The following KIR2DL1 variants were observed in gnomAD, a reference collection of about 807,000 sequenced individuals.
KIR2DL1 encodes killer cell immunoglobulin like receptor, two Ig domains and long cytoplasmic tail 1, also known as killer cell immunoglobulin-like receptor 2DL1.
Under a neutral mutation model 33.9 loss-of-function variants are expected in KIR2DL1, and 38 were observed. The ratio of observed to expected loss-of-function variants is 1.12; its 90% CI spans 0.86 to 1.47. The LOEUF (loss-of-function observed/expected upper bound fraction) is 1.47, where lower values mean the gene tolerates loss of function less well. Ranked by LOEUF, KIR2DL1 falls within the 40% of genes most tolerant of loss-of-function variation. The pLI is 0.00. For missense variants in KIR2DL1, 531 were observed against 433.9 expected, an observed-to-expected ratio of 1.22 and a Z score of -1.99; for synonymous variants, 179 against 165.9, an observed-to-expected ratio of 1.08 and a Z score of -0.61.
Position 54,775,921 on chromosome 19 carries a change from T to G in KIR2DL1, c.664+463T>G, listed in dbSNP as rs1334059345. Among the ~76,000 whole-genome samples, 4 of 145,458 alleles carry G rather than the reference T, an allele frequency of 2.7e-5. 1 individual carries two copies. The highest frequency in any genetic ancestry group is 7.0e-5 in the Admixed American group (1 of 14,366). On this transcript the variant is annotated intron_variant, in intron 4 of 7. Coordinates refer to ENST00000336077, the MANE Select transcript of KIR2DL1 (RefSeq NM_014218.3). ...TAACATTTTTTTTTGAGGTGGAGTC[T>G]AGCTCTGTCCCCTATGATGGAGTGC...
chr19:54,775,209 G>T lies in KIR2DL1; in HGVS notation c.415G>T (p.Val139Phe), dbSNP rs1186111664. 4.4e-6 allele frequency: 7 copies of T among 1,599,622 alleles called. No homozygotes were observed. In the East Asian group the frequency reaches 1.1e-4, roughly 25 times the overall value. ...PSLSAQLGPT[V>F]LAGENVTLSC... is the part of the protein sequence containing the mutation. ...TCTCTCAGCCCAGCTGGGCCCCACG[G>T]TTCTGGCAGGAGAGAATGTGACCTT... Residue 139 changes from valine (V) to phenylalanine (F), a missense_variant, in exon 4 of 8, where the codon GTT becomes TTT. Coordinates refer to ENST00000336077, the MANE Select transcript of KIR2DL1 (RefSeq NM_014218.3).
chr19:54,780,772 C>T (rs1192928126), intron 5 of KIR2DL1, among the ~76,000 whole-genome samples: 3 of 133,772 alleles, frequency 2.2e-5, no homozygotes, highest in South Asian at 2.8e-4. Flanking sequence ...GTTTAATCCT[C>T]GCTTAATTAA....
chr19:54,783,469 A>G lies in KIR2DL1; in HGVS notation c.818-17A>G. On this transcript the variant is annotated splice_polypyrimidine_tract_variant and intron_variant, in intron 6 of 7. Coordinates refer to ENST00000336077, the MANE Select transcript of KIR2DL1 (RefSeq NM_014218.3). ...AAGTGCCCTCCGAGCTGTTTTGTTGACTTCCATCTTCTACAGATGCTGCGG... is the reference window on the plus strand; with the variant it reads ...AAGTGCCCTCCGAGCTGTTTTGTTGGCTTCCATCTTCTACAGATGCTGCGG... 7 of 1,612,384 alleles carry G rather than the reference A, an allele frequency of 4.3e-6. No individual in the cohort carries two copies. In the South Asian group the frequency reaches 7.7e-5, roughly 18 times the overall value.
At position 54,773,238 on chromosome 19, in the gene KIR2DL1, T is replaced by G. The variant is rs1299327210; in HGVS notation, c.71-95T>G. On this transcript the variant is annotated intron_variant, in intron 2 of 7. Coordinates refer to ENST00000336077, the MANE Select transcript of KIR2DL1 (RefSeq NM_014218.3). ...AAGACACAGAGAGGAAGGAGAGAGA[T>G]AAGACACCAGGAAGGGGAAGCCTGA... 51 of 1,265,860 alleles carry G rather than the reference T, an allele frequency of 4.0e-5. 1 individual carries two copies. The Middle Eastern group carries it at 1.2e-3, about 29-fold the overall frequency. The allele number at this position is 1,265,860 out of a possible 1,614,324, so 78.4% of individuals were successfully genotyped here.
intron 5 of KIR2DL1, among the ~76,000 whole-genome samples, chr19:54,779,387 A>G (rs2076714627): frequency 6.7e-6 from 1 of 148,186 alleles, no homozygotes; most frequent in Non-Finnish European, 1.5e-5. Flanking sequence ...CCCAGCTTCT[A>G]AAGGCTCCCA....
At position 54,782,995 on chromosome 19, in the gene KIR2DL1, C is replaced by G. The variant is rs1349493631; in HGVS notation, c.789C>G (p.Leu263=). 1 of 1,613,606 alleles carries G rather than the reference C, an allele frequency of 6.2e-7. No individual in the cohort carries two copies. Among genetic ancestry groups the G allele is most frequent in the Non-Finnish European group, 8.5e-7 (1 of 1,179,876 alleles). The change falls in exon 6 of 8, where the codon CTC becomes CTG. Residue 263 remains leucine (L), a synonymous_variant. Coordinates refer to ENST00000336077, the MANE Select transcript of KIR2DL1 (RefSeq NM_014218.3). ...TCCTCTTCATCCTCCTCTTCTTTCT[C>G]CTTCATCGCTGGTGCTCCAACAAAA... ...VIILFILLFF[L]LHRWCSNKKN...
chr19:54,775,478 G>C lies in KIR2DL1; in HGVS notation c.664+20G>C. On this transcript the variant is annotated intron_variant, in intron 4 of 7. Coordinates refer to ENST00000336077, the MANE Select transcript of KIR2DL1 (RefSeq NM_014218.3). ...TCACAGGTGAGGAAAGCCCATGGCT[G>C]TCCCATGTCCTATGATCCTAGAGCC... The C allele has an allele frequency of 6.4e-7, 1 of 1,573,682 alleles. No homozygotes were observed. Among genetic ancestry groups the C allele is most frequent in the Non-Finnish European group, 8.7e-7 (1 of 1,148,296 alleles).
intron 5 of KIR2DL1, among the ~76,000 whole-genome samples, chr19:54,779,327 A>C (rs1319558954): frequency 3.4e-5 from 5 of 149,032 alleles, no homozygotes; most frequent in African/African-American, 4.9e-5. Flanking sequence ...GGTGACAGCA[A>C]GGCTGCCTTC....
intron 4 of KIR2DL1, among the ~76,000 whole-genome samples, chr19:54,777,109 AG>A (rs368758253): frequency 0.064 from 8,148 of 127,294 alleles, 88 homozygotes; most frequent in South Asian, 0.13. Flanking sequence ...TTTTATTTTG[AG>A]ATGGAGTTTT....
intron 5 of KIR2DL1, among the ~76,000 whole-genome samples, chr19:54,780,526 G>A (rs1287086625): frequency 2.1e-5 from 3 of 143,878 alleles, no homozygotes; most frequent in Non-Finnish European, 4.6e-5. Flanking sequence ...CACAGCCATT[G>A]GATTCACCTC....
chr19:54,783,399 G>A lies in KIR2DL1; in HGVS notation c.818-87G>A. 2.7e-6 allele frequency: 4 copies of A among 1,484,374 alleles called. No individual in the cohort carries two copies. In the South Asian group the frequency reaches 4.6e-5, roughly 17 times the overall value. 92.0% of individuals were successfully genotyped at this position (1,484,374 alleles called of 1,614,324 possible). A position where few individuals can be genotyped will look rare whatever the true frequency, so the allele number is the denominator to read the frequency against. ...AACTGAGGGACCTCAGCCACCTATG[G>A]TCTCCCCCTGTATGTTGGTATCTGC... On this transcript the variant is annotated intron_variant, in intron 6 of 7. Coordinates refer to ENST00000336077, the MANE Select transcript of KIR2DL1 (RefSeq NM_014218.3).
Position 54,773,475 on chromosome 19 carries a change from C to A in KIR2DL1, c.213C>A (p.Arg71=), listed in dbSNP as rs534577042. ...AGGGGATGTTTAACGACACTTTGCG[C>A]CTCATTGGAGAACACCATGATGGGG... The part of the protein sequence containing the change: ...HREGMFNDTL[R]LIGEHHDGVS... Residue 71 remains arginine, a synonymous_variant, in exon 3 of 8, where the codon CGC becomes CGA. Transcript: ENST00000336077. The A allele has an allele frequency of 6.3e-7, 1 of 1,587,002 alleles. No homozygotes were observed. The highest frequency in any genetic ancestry group is 8.6e-7 in the Non-Finnish European group (1 of 1,158,564).
chr19:54,772,771 G>GCTGATCAT lies in KIR2DL1; in HGVS notation c.71-560_71-559insGATCATCT, dbSNP rs753606101. Among the ~76,000 whole-genome samples the GCTGATCAT allele has an allele frequency of 1.5e-4, 19 of 128,992 alleles. 2 individuals are homozygous for GCTGATCAT. Among genetic ancestry groups the GCTGATCAT allele is most frequent in the Non-Finnish European group, 2.5e-4 (15 of 59,380 alleles). 84.6% of individuals were successfully genotyped at this position (128,992 alleles called of 152,430 possible). A position where few individuals can be genotyped will look rare whatever the true frequency, so the allele number is the denominator to read the frequency against. ...GGTTGGCTACACTGAGATCAGCAAG[G>GCTGATCAT]CTCAGATGATGATGCCACCACCAGG... On this transcript the variant is annotated intron_variant, in intron 2 of 7. Coordinates refer to ENST00000336077, the MANE Select transcript of KIR2DL1 (RefSeq NM_014218.3).
intron 5 of KIR2DL1, among the ~76,000 whole-genome samples, chr19:54,782,376 G>C (rs1346797772): frequency 1.3e-5 from 2 of 152,186 alleles, no homozygotes; most frequent in South Asian, 2.1e-4. Flanking sequence ...TCTGCAGGCT[G>C]TACTGGAAGC....
chr19:54,782,339 A>C (rs1233693353), intron 5 of KIR2DL1, among the ~76,000 whole-genome samples: 1 of 152,044 alleles, frequency 6.6e-6, no homozygotes, highest in Admixed American at 6.5e-5. Flanking sequence ...TAACTTCTAA[A>C]GAAAAGAGAT....
intron 4 of KIR2DL1, among the ~76,000 whole-genome samples, chr19:54,776,598 C>T (rs562058503): frequency 6.9e-6 from 1 of 145,236 alleles, no homozygotes; most frequent in Non-Finnish European, 1.5e-5. Flanking sequence ...TGGATATAAA[C>T]CCAGTAGTGA....
At chr19:54,782,257 C>T (rs1050967793) in intron 5 of KIR2DL1, among the ~76,000 whole-genome samples, 8 of 151,898 alleles carry the variant, frequency 5.3e-5, no homozygotes, top group African/African-American at 1.7e-4. Context: ...TGTTCTGAGA[C>T]GTTCCTCCTG....
At chr19:54,776,207 G>A (rs1421276697) in intron 4 of KIR2DL1, among the ~76,000 whole-genome samples, 1 of 145,994 alleles carries the variant, frequency 6.8e-6, no homozygotes, top group East Asian at 1.9e-4. Flanking sequence ...CCATTTTTAA[G>A]TGTAAAGTCT....
At chr19:54,776,740 A>C (rs62121648) in intron 4 of KIR2DL1, among the ~76,000 whole-genome samples, 13,008 of 119,542 alleles carry the variant, frequency 0.11, 6 homozygotes, top group South Asian at 0.21. Context: ...TCCTGGGTTC[A>C]AATGATTTTC....
Sources: allele counts gnomAD v4.1 joint callset (sites outside exome capture counted in the v4.1 genomes callset), GRCh38; gene constraint gnomAD v4.1.1; transcripts MANE v1.5; gene names NCBI Gene and HGNC (gene_info 2026-07-23, HGNC 2026-07-21).